MYLIP: variants seen among roughly 807,000 people sequenced by gnomAD.
The protein encoded by MYLIP is myosin regulatory light chain interacting protein, also known as E3 ubiquitin-protein ligase MYLIP.
In MYLIP, 26 loss-of-function variants were observed where a neutral mutation model predicts 45.8. The observed-to-expected ratio is 0.57, with a 90% CI of 0.42 to 0.79. MYLIP has a LOEUF of 0.79. Ranked by LOEUF, MYLIP falls within the 30% of genes least tolerant of loss-of-function variation. The pLI is 0.00. For missense variants in MYLIP, 494 were observed against 555.6 expected (o/e 0.89, Z 1.11); for synonymous variants, 213 against 218.1 (o/e 0.98, Z 0.21).
At chr6:16,143,323 A>G in intron 4 of MYLIP, 106 bp downstream of exon 4, 1 of 1,137,998 alleles carries the variant, frequency 8.8e-7, no homozygotes, top group Non-Finnish European at 1.3e-6. Context: ...GCTCTTAGGA[A>G]TGAAAGATTT....
chr6:16,141,684 C>G lies in MYLIP; in HGVS notation c.338C>G (p.Pro113Arg), dbSNP rs764810675. Reference protein sequence around the residue: ...ALLAGHLLCSPEQAVELSALL... With the variant: ...ALLAGHLLCSREQAVELSALL... ...TTGGCAGGCCACCTCTTGTGTTCCC[C>G]AGAGCAGGCAGTGGAACTCAGTGCC... The change falls in exon 3 of 7, where the codon CCA (proline) becomes CGA (arginine). Residue 113 changes from proline (P) to arginine (R), a missense_variant. Pro to Arg is a moderately radical substitution (Grantham distance 103, BLOSUM62 -2). Coordinates refer to ENST00000356840, the MANE Select transcript of MYLIP (RefSeq NM_013262.4). The G allele has an allele frequency of 1.2e-6, 2 of 1,614,000 alleles. No homozygotes were observed. Among genetic ancestry groups the G allele is most frequent in the African/African-American group, 2.7e-5 (2 of 74,902 alleles).
At chr6:16,142,909 A>T (rs1581607130) in intron 3 of MYLIP, 111 bp from the exon 4 acceptor site, 1 of 1,104,336 alleles carries the variant, frequency 9.1e-7, no homozygotes, top group East Asian at 2.6e-5. Flanking sequence ...ATAAGTTTTA[A>T]GTTGTTGTGA....
At chr6:16,141,970 T>C (rs1759683206) in intron 3 of MYLIP, among the ~76,000 whole-genome samples, 160 bp downstream of exon 3, 1 of 152,184 alleles carries the variant, frequency 6.6e-6, no homozygotes, top group African/African-American at 2.4e-5. Context: ...ATAATATACA[T>C]GTTATGTCAA....
At chr6:16,142,128 A>G (rs7763395) in intron 3 of MYLIP, among the ~76,000 whole-genome samples, 56,819 of 152,136 alleles carry the variant, frequency 0.37, 11,258 homozygotes, top group African/African-American at 0.5. Flanking sequence ...GGGCTACTGC[A>G]TATATTCATA....
chr6:16,142,370 A>G (rs1198031603), intron 3 of MYLIP, among the ~76,000 whole-genome samples: 2 of 152,246 alleles, frequency 1.3e-5, no homozygotes, highest in African/African-American at 4.8e-5. Context: ...TCTATTATGT[A>G]TATTGGTGTT....
At chr6:16,159,426 T>A in the MYLIP span, among the ~76,000 whole-genome samples, 1 of 152,190 alleles carries the variant, frequency 6.6e-6, no homozygotes, top group Non-Finnish European at 1.5e-5. Flanking sequence ...ACACTGTAAG[T>A]ATTGTGGAAC....
chr6:16,138,804 T>C (rs1759607771), intron 2 of MYLIP, among the ~76,000 whole-genome samples: 1 of 152,170 alleles, frequency 6.6e-6, no homozygotes, highest in Non-Finnish European at 1.5e-5. Context: ...ATGTTGACAG[T>C]AAGGAGAAGG....
At chr6:16,143,304 C>A in intron 4 of MYLIP, 87 bp downstream of exon 4, 1 of 1,280,736 alleles carries the variant, frequency 7.8e-7, no homozygotes, top group Non-Finnish European at 1.1e-6. Flanking sequence ...GGGATTTACT[C>A]GACAGTCAGC....
Position 16,143,874 on chromosome 6 carries a change from C to A in MYLIP, c.827+11C>A. 4 of 1,610,136 alleles carry A rather than the reference C, an allele frequency of 2.5e-6. No homozygotes were observed. Among genetic ancestry groups the A allele is most frequent in the Middle Eastern group, 1.7e-4 (1 of 5,730 alleles). On this transcript the variant is annotated intron_variant, in intron 5 of 6. Coordinates refer to ENST00000356840, the MANE Select transcript of MYLIP (RefSeq NM_013262.4). ...GCACGCATTCTACAGGCACGTATCT[C>A]GTGTGCTTGGTCACCTCAGCACCAC...
At chr6:16,162,993 G>A in the MYLIP span, among the ~76,000 whole-genome samples, 1 of 150,986 alleles carries the variant, frequency 6.6e-6, no homozygotes, top group African/African-American at 2.5e-5. Flanking sequence ...TGTAATGCAT[G>A]GAGCTGCTAA....
rs377395123 is a variant in MYLIP, at chr6:16,146,975, C to T, written c.*224C>T. 8.0e-5 allele frequency: 33 copies of T among 413,110 alleles called. No homozygotes were observed. The highest frequency in any genetic ancestry group is 5.3e-4 in the South Asian group (13 of 24,326). 25.6% of individuals were successfully genotyped at this position (413,110 alleles called of 1,614,324 possible). A position where few individuals can be genotyped will look rare whatever the true frequency, so the allele number is the denominator to read the frequency against. On this transcript the variant is annotated 3_prime_UTR_variant, in exon 7 of 7. Coordinates refer to ENST00000356840, the MANE Select transcript of MYLIP (RefSeq NM_013262.4). ...CATGGGACCAGGAGGAGCTCTGGGA[C>T]GCAGACACATTCCTTGGATGTTGAT...
Position 16,141,804 on chromosome 6 carries a change from T to G in MYLIP, c.458T>G (p.Leu153Trp), listed in dbSNP as rs1759679807. 6.2e-7 allele frequency: 1 copy of G among 1,611,844 alleles called. No individual in the cohort carries two copies. The highest frequency in any genetic ancestry group is 8.5e-7 in the Non-Finnish European group (1 of 1,178,506). ...GCCAAGGAGCTCTCCTCTGCCACCT[T>G]GAACAGGTGAGGCTGTTGAATATAG... ...LCAKELSSAT[L>W]NSIVAKHKEL... The change falls in exon 3 of 7, where the codon TTG becomes TGG. Residue 153 changes from leucine (L) to tryptophan (W), a missense_variant. By Grantham distance (61) the Leu-to-Trp change is moderately conservative (BLOSUM62 -2). Coordinates refer to ENST00000356840, the MANE Select transcript of MYLIP (RefSeq NM_013262.4).
chr6:16,158,452 A>C, the MYLIP span, among the ~76,000 whole-genome samples: 1 of 152,236 alleles, frequency 6.6e-6, no homozygotes, highest in South Asian at 2.1e-4. Flanking sequence ...CGATAATATG[A>C]ACATCCCTAA....
At position 16,129,447 on chromosome 6, in the gene MYLIP, C is replaced by T; in HGVS notation, c.87+38C>T. ...GGCAAGAAGGGGCCCCGGCGGGTCC[C>T]GCGAGGCCGAGGGGCCTCGCAGCGA... On this transcript the variant is annotated intron_variant, in intron 1 of 6. Coordinates refer to ENST00000356840, the MANE Select transcript of MYLIP (RefSeq NM_013262.4). This position sits in a 1 kb window ranked among gnomAD's most constrained non-coding sequence, Gnocchi z 5.1. 3.2e-6 allele frequency: 5 copies of T among 1,550,756 alleles called. No homozygotes were observed. The highest frequency in any genetic ancestry group is 4.4e-6 in the Non-Finnish European group (5 of 1,146,908).
At position 16,145,991 on chromosome 6, in the gene MYLIP, A is replaced by G. The variant is rs189240678; in HGVS notation, c.1249-671A>G. On this transcript the variant is annotated intron_variant, in intron 6 of 6. Coordinates refer to ENST00000356840, the MANE Select transcript of MYLIP (RefSeq NM_013262.4). ...GCCAAATGTCACTGTGGTTTTATGT[A>G]AAACTGGTTCTAGATAATACTTAGT... Among the ~76,000 whole-genome samples the G allele has an allele frequency of 4.6e-5, 7 of 152,346 alleles. No homozygotes were observed. In the East Asian group the frequency reaches 1.3e-3, roughly 29 times the overall value.
At position 16,129,401 on chromosome 6, in the gene MYLIP, C is replaced by T. The variant is rs1759406790; in HGVS notation, c.79C>T (p.Leu27Phe). Reference sequence around the variant, plus strand: ...GGCGAAAGCCAACGGCGAGGACTGCCTCAACCAGGTGAGGGCGAGGGGCAA... The same window carrying T: ...GGCGAAAGCCAACGGCGAGGACTGCTTCAACCAGGTGAGGGCGAGGGGCAA... ...VEAKANGEDC[L>F]NQVCRRLGII... The change falls in exon 1 of 7, where the codon CTC (leucine) becomes TTC (phenylalanine). Residue 27 changes from leucine to phenylalanine, a missense_variant. Leu to Phe is a conservative substitution (Grantham distance 22). Transcript: ENST00000356840. This position sits in a 1 kb window ranked among gnomAD's most constrained non-coding sequence, Gnocchi z 5.1. 6.3e-7 allele frequency: 1 copy of T among 1,587,678 alleles called. No homozygotes were observed. Among genetic ancestry groups the T allele is most frequent in the African/African-American group, 1.3e-5 (1 of 74,288 alleles).
chr6:16,133,417 A>G (rs185566235), intron 2 of MYLIP, among the ~76,000 whole-genome samples: 6 of 152,320 alleles, frequency 3.9e-5, no homozygotes, highest in Admixed American at 2.6e-4. Flanking sequence ...TGATTCTTCT[A>G]TCTAGATTAT....
In MYLIP at chr6:16,145,439, A is replaced by G. The variant is rs957643409; in HGVS notation, c.1248+122A>G. On this transcript the variant is annotated intron_variant, in intron 6 of 6. Transcript: ENST00000356840. The stretch of plus-strand genomic sequence containing the variant: ...GGGGAATGCCCATCTTCACCCGGAA[A>G]GGGTCTTTGTATTTGGTGACCTAAA... 6.1e-6 allele frequency: 7 copies of G among 1,151,890 alleles called. No individual in the cohort carries two copies. The African/African-American group carries it at 1.1e-4, about 18-fold the overall frequency. 71.4% of individuals were successfully genotyped at this position (1,151,890 alleles called of 1,614,324 possible).
the MYLIP span, among the ~76,000 whole-genome samples, chr6:16,157,146 G>A: frequency 6.6e-6 from 1 of 152,148 alleles, no homozygotes; most frequent in Admixed American, 6.5e-5. Context: ...CCTCACTCCT[G>A]GACCATTGCT....
Sources: gnomAD v4.1 joint callset for allele counts (sites outside exome capture counted in the v4.1 genomes callset) on GRCh38, gnomAD v4.1.1 for gene constraint, Gnocchi (gnomAD v3.1) non-coding constraint, MANE v1.5 for transcripts, NCBI Gene and HGNC (gene_info 2026-07-23, HGNC 2026-07-21) for gene names.